ADAM28: variants seen among roughly 807,000 people sequenced by gnomAD.
The protein encoded by ADAM28 is ADAM metallopeptidase domain 28, also known as disintegrin and metalloproteinase domain-containing protein 28.
ADAM28 carries 105 observed loss-of-function variants against 101.2 expected under a neutral mutation model. The ratio of observed to expected loss-of-function variants is 1.04; its 90% CI spans 0.89 to 1.22. The LOEUF (loss-of-function observed/expected upper bound fraction) is 1.22, where lower values mean the gene tolerates loss of function less well. Ranked by LOEUF, ADAM28 falls within the 50% of genes most tolerant of loss-of-function variation. The pLI, the probability that ADAM28 is intolerant of heterozygous loss-of-function variation, is 0.00. For synonymous variants in ADAM28, 322 were observed against 310.6 expected, an observed-to-expected ratio of 1.04 and a Z score of -0.39; for missense variants, 1,028 against 945.4, an observed-to-expected ratio of 1.09 and a Z score of -1.15.
chr8:24,344,499 T>A (rs922161430), intron 18 of ADAM28, among the ~76,000 whole-genome samples: 3 of 152,178 alleles, frequency 2.0e-5, no homozygotes, highest in Non-Finnish European at 4.4e-5. Context: ...CAGTGAGATA[T>A]CTGCCCCAAA....
intron 6 of ADAM28, among the ~76,000 whole-genome samples, chr8:24,315,388 A>G (rs1197521006): frequency 1.3e-5 from 2 of 152,000 alleles, no homozygotes; most frequent in African/African-American, 2.4e-5. Flanking sequence ...ATGAAAAATT[A>G]TTTGTCAATA....
chr8:24,340,058 T>C (rs1394265749), intron 15 of ADAM28, among the ~76,000 whole-genome samples: 1 of 152,172 alleles, frequency 6.6e-6, no homozygotes, highest in Non-Finnish European at 1.5e-5. Context: ...ATATTGACAA[T>C]TCATCTGAAG....
At chr8:24,300,705 C>A (rs6993515) in intron 2 of ADAM28, among the ~76,000 whole-genome samples, 1 of 152,082 alleles carries the variant, frequency 6.6e-6, no homozygotes. Flanking sequence ...CGTGAGCTAC[C>A]GCCTAGCCAT....
At position 24,300,820 on chromosome 8, in the gene ADAM28, CAG is replaced by C. The variant is rs1249474072; in HGVS notation, c.150+745_150+746del. The C allele has an allele frequency of 2.0e-5, 3 of 152,088 alleles. No individual in the cohort carries two copies. The East Asian group carries it at 5.8e-4, about 29-fold the overall frequency. 9.4% of individuals were successfully genotyped at this position (152,088 alleles called of 1,614,324 possible). ...CCAAACACAACTATGACAATTGAAA[CAG>C]AAACAGAAAACAAAATACAGCAGGT... On this transcript the variant is annotated intron_variant, in intron 2 of 22. Coordinates refer to ENST00000265769, the MANE Select transcript of ADAM28 (RefSeq NM_014265.6).
At chr8:24,350,589 G>T (rs929977921) in intron 19 of ADAM28, among the ~76,000 whole-genome samples, 11 of 152,148 alleles carry the variant, frequency 7.2e-5, no homozygotes, top group African/African-American at 2.4e-4. Flanking sequence ...GGGATTACAG[G>T]TGTGAGTCTC....
At chr8:24,335,674 G>A (rs1250618481) in intron 14 of ADAM28, 33 bp downstream of exon 14, 1 of 1,526,494 alleles carries the variant, frequency 6.6e-7, no homozygotes, top group African/African-American at 1.4e-5. Flanking sequence ...CTGTGCATGT[G>A]CGAAGGAAAA....
rs757556110 is a variant in ADAM28 at position 24,351,229 on chromosome 8, C to T, written c.2100-3C>T. ...ATTGATATCATGTGTTTCTCTCTTACAGGCCACTATCTACCACTGGCACCA... is the reference window on the plus strand; with the variant it reads ...ATTGATATCATGTGTTTCTCTCTTATAGGCCACTATCTACCACTGGCACCA... On this transcript the variant is annotated splice_region_variant and splice_polypyrimidine_tract_variant and intron_variant, in intron 19 of 22. Transcript: ENST00000265769. The T allele has an allele frequency of 3.2e-6, 5 of 1,579,232 alleles. No individual in the cohort carries two copies. The East Asian group carries it at 9.1e-5, about 29-fold the overall frequency.
rs1203830205 is a variant in ADAM28, at chr8:24,357,062, G to A, written c.*2658G>A. ...TCTGGCTAGCAGCCATTAAGAAAAT[G>A]AGCCCCTGAGTTCAACGACCCTCAA... On this transcript the variant is annotated 3_prime_UTR_variant, in exon 23 of 23. Transcript: ENST00000265769. The A allele has an allele frequency of 6.6e-6, 1 of 152,112 alleles. No homozygotes were observed. The highest frequency in any genetic ancestry group is 1.5e-5 in the Non-Finnish European group (1 of 68,012). 9.4% of individuals were successfully genotyped at this position (152,112 alleles called of 1,614,324 possible).
intron 2 of ADAM28, among the ~76,000 whole-genome samples, chr8:24,300,498 G>A (rs1171895445): frequency 1.3e-5 from 2 of 151,878 alleles, no homozygotes; most frequent in Non-Finnish European, 2.9e-5. Context: ...CTCACTGCAA[G>A]CTCCGCCTCC....
chr8:24,308,950 AAT>A (rs1810064862), intron 2 of ADAM28, among the ~76,000 whole-genome samples: 1 of 152,172 alleles, frequency 6.6e-6, no homozygotes, highest in Admixed American at 6.5e-5. Flanking sequence ...CTCAGTCCAT[AAT>A]ATGTGTTTCT....
intron 2 of ADAM28, among the ~76,000 whole-genome samples, chr8:24,306,010 G>T (rs979445452): frequency 4.6e-5 from 7 of 152,130 alleles, no homozygotes; most frequent in African/African-American, 1.7e-4. Flanking sequence ...TGACAGGGTT[G>T]CCAGATGAAA....
At chr8:24,339,190 A>G (rs1025033927) in intron 14 of ADAM28, among the ~76,000 whole-genome samples, 31 of 152,082 alleles carry the variant, frequency 2.0e-4, no homozygotes, top group African/African-American at 7.2e-4. Context: ...TGTGATGCCT[A>G]TTTTTGTACC....
Position 24,354,642 on chromosome 8 carries a change from A to ATGAT in ADAM28, c.*241_*244dup, listed in dbSNP as rs779113005. Reference sequence around the variant, plus strand: ...ATTATCCATTCTTATAAGAAGGAAGATGATTGTAAAGAAATATCTCCGAAG... The same window carrying ATGAT: ...ATTATCCATTCTTATAAGAAGGAAGATGATTGATTGTAAAGAAATATCTCCGAAG... On this transcript the variant is annotated 3_prime_UTR_variant, in exon 23 of 23. Coordinates refer to ENST00000265769, the MANE Select transcript of ADAM28 (RefSeq NM_014265.6). The ATGAT allele has an allele frequency of 7.8e-5, 30 of 382,342 alleles. No homozygotes were observed. The highest frequency in any genetic ancestry group is 7.1e-4 in the East Asian group (15 of 21,268). 23.7% of individuals were successfully genotyped at this position (382,342 alleles called of 1,614,324 possible).
chr8:24,342,193 C>A (rs1312857749), intron 16 of ADAM28, among the ~76,000 whole-genome samples: 2 of 152,066 alleles, frequency 1.3e-5, no homozygotes, highest in Non-Finnish European at 2.9e-5. Context: ...TACTGTTTAG[C>A]CAGGGCCAAT....
chr8:24,303,597 T>C (rs1409644062), intron 2 of ADAM28, among the ~76,000 whole-genome samples: 1 of 152,194 alleles, frequency 6.6e-6, no homozygotes, highest in Non-Finnish European at 1.5e-5. Context: ...TTTGTTCTTT[T>C]TGCTTAAGAT....
chr8:24,341,604 C>T lies in ADAM28; in HGVS notation c.1677C>T (p.Thr559=). The change falls in exon 16 of 23, where the codon ACC becomes ACT. Residue 559 remains threonine (T), a synonymous_variant. Transcript: ENST00000265769. ...DTLIPCKAND[T]MCGKLFCQGG... ...ATTTTGGCTTTTTCCTCAGTGATACCATGTGTGGGAAGTTGTTCTGTCAAG... is the reference window on the plus strand; with the variant it reads ...ATTTTGGCTTTTTCCTCAGTGATACTATGTGTGGGAAGTTGTTCTGTCAAG... 1 of 1,612,638 alleles carries T rather than the reference C, an allele frequency of 6.2e-7. No homozygotes were observed. The highest frequency in any genetic ancestry group is 1.7e-4 in the Middle Eastern group (1 of 6,052).
In ADAM28 at chr8:24,343,575, G is replaced by A. The variant is rs768784090; in HGVS notation, c.1981G>A (p.Val661Met). The change falls in exon 18 of 23, where the codon GTG becomes ATG. Residue 661 changes from valine (V) to methionine (M), a missense_variant. Val to Met is a conservative substitution (Grantham distance 21). Transcript: ENST00000265769. Reference sequence around the variant, plus strand: ...CCCTCCCGACTGCGATGACTCCTCAGTGGTCTTCCGTAGGTAACATTACAC... The same window carrying A: ...CCCTCCCGACTGCGATGACTCCTCAATGGTCTTCCGTAGGTAACATTACAC... ...WIPPDCDDSS[V>M]VFHFSIVVGV... The A allele has an allele frequency of 3.1e-5, 50 of 1,613,582 alleles. No individual in the cohort carries two copies. The highest frequency in any genetic ancestry group is 4.2e-5 in the Non-Finnish European group (49 of 1,179,766).
At chr8:24,310,274 G>T in intron 4 of ADAM28, 33 bp downstream of exon 4, 4 of 1,592,628 alleles carry the variant, frequency 2.5e-6, no homozygotes, top group Non-Finnish European at 2.6e-6. Context: ...CTTTAATTAG[G>T]GTTTTACCCA....
At position 24,356,941 on chromosome 8, in the gene ADAM28, T is replaced by G. The variant is rs1231224475; in HGVS notation, c.*2537T>G. On this transcript the variant is annotated 3_prime_UTR_variant, in exon 23 of 23. Transcript: ENST00000265769. ...GAAAAGAAAGCAAATTTTAGTTGGT[T>G]GCAGTCAGAGAATATGGAAAGGGTT... 1 of 152,206 alleles carries G rather than the reference T, an allele frequency of 6.6e-6. No individual in the cohort carries two copies. Among genetic ancestry groups the G allele is most frequent in the Admixed American group, 6.5e-5 (1 of 15,270 alleles). The allele number at this position is 152,206 out of a possible 1,614,324, so 9.4% of individuals were successfully genotyped here. A position where few individuals can be genotyped will look rare whatever the true frequency, so the allele number is the denominator to read the frequency against.
Sources: gnomAD v4.1 joint callset for allele counts (sites outside exome capture counted in the v4.1 genomes callset) on GRCh38, gnomAD v4.1.1 for gene constraint, MANE v1.5 for transcripts, NCBI Gene and HGNC (gene_info 2026-07-23, HGNC 2026-07-21) for gene names.